KCNMB2: variants seen among roughly 807,000 people sequenced by gnomAD.
KCNMB2 encodes the protein potassium calcium-activated channel subfamily M regulatory beta subunit 2, also known as calcium-activated potassium channel subunit beta-2.
A neutral mutation model predicts 24.5 loss-of-function variants in KCNMB2; 9 were observed. The ratio of observed to expected loss-of-function variants is 0.37; its 90% CI spans 0.22 to 0.64. The LOEUF (loss-of-function observed/expected upper bound fraction) is 0.64, where lower values mean the gene tolerates loss of function less well. Among genes scored for constraint, KCNMB2 ranks in the 30% least tolerant of loss-of-function variants. KCNMB2 has a pLI of 0.63. For synonymous variants in KCNMB2, 109 were observed against 104.4 expected (o/e 1.04, Z -0.27); for missense variants, 226 against 284.3 (o/e 0.79, Z 1.47).
intron 2 of KCNMB2, among the ~76,000 whole-genome samples, chr3:178,817,027 T>C (rs946014848): frequency 2.0e-5 from 3 of 152,056 alleles, no homozygotes; most frequent in Admixed American, 2.0e-4. Context: ...GAGTGTGTTA[T>C]CTAATAAGCT....
chr3:178,842,811 C>A lies in KCNMB2; in HGVS notation c.582C>A (p.Asn194Lys). 6.2e-7 allele frequency: 1 copy of A among 1,613,992 alleles called. No homozygotes were observed. The highest frequency in any genetic ancestry group is 2.2e-5 in the East Asian group (1 of 44,878). Residue 194 changes from asparagine (N) to lysine (K), a missense_variant, in exon 5 of 5, where the codon AAC (asparagine) becomes AAA (lysine). Physicochemically the swap from Asn to Lys is moderately conservative, Grantham distance 94. Coordinates refer to ENST00000452583, the MANE Select transcript of KCNMB2 (RefSeq NM_181361.3). ...SVILTKLYSS[N>K]VLFHSLFWPT... ...TCCTAACAAAACTCTACAGTTCCAACGTGCTGTTCCATTCACTCTTCTGGC... is the reference window on the plus strand; with the variant it reads ...TCCTAACAAAACTCTACAGTTCCAAAGTGCTGTTCCATTCACTCTTCTGGC...
chr3:178,641,116 G>A lies in KCNMB2; in HGVS notation c.-68+104405G>A, dbSNP rs372872472. Among the ~76,000 whole-genome samples, 42 of 152,126 alleles carry A rather than the reference G, an allele frequency of 2.8e-4. 1 individual carries two copies. In the South Asian group the frequency reaches 8.5e-3, roughly 31 times the overall value. ...TTTCTTTAACTTTACATTAATTTTT[G>A]AAATCAGATAGTTTCAGTTCTCTAA... On this transcript the variant is annotated intron_variant, in intron 1 of 4. Transcript: ENST00000452583.
At chr3:178,731,181 C>G (rs1211916256) in intron 1 of KCNMB2, among the ~76,000 whole-genome samples, 1 of 151,944 alleles carries the variant, frequency 6.6e-6, no homozygotes, top group Non-Finnish European at 1.5e-5. Flanking sequence ...TCCTACTGGC[C>G]CCAGTTGGAA....
At chr3:178,630,638 T>A (rs1475244269) in intron 1 of KCNMB2, among the ~76,000 whole-genome samples, 1 of 152,260 alleles carries the variant, frequency 6.6e-6, no homozygotes, top group Non-Finnish European at 1.5e-5. Context: ...TAGTTTATAG[T>A]AAATTAATTC....
chr3:178,787,328 T>A (rs1193520081), intron 1 of KCNMB2, among the ~76,000 whole-genome samples: 1 of 152,094 alleles, frequency 6.6e-6, no homozygotes, highest in African/African-American at 2.4e-5. Context: ...GGTATTAACA[T>A]ATATATGTAT....
chr3:178,840,632 G>A (rs769591892), intron 4 of KCNMB2, among the ~76,000 whole-genome samples: 1 of 152,246 alleles, frequency 6.6e-6, no homozygotes, highest in South Asian at 2.1e-4. Context: ...AACAACACCT[G>A]GAAGCTGCCA....
At position 178,809,509 on chromosome 3, in the gene KCNMB2, G is replaced by A. The variant is rs537249206; in HGVS notation, c.56+2044G>A. On this transcript the variant is annotated intron_variant, in intron 2 of 4. Transcript: ENST00000452583. ...GAGTGATTTTCAATAACTTCCAAAG[G>A]CCCAACAACTAGCCAGTGATGGAAT... Among the ~76,000 whole-genome samples, 5 of 152,188 alleles carry A rather than the reference G, an allele frequency of 3.3e-5. No individual in the cohort carries two copies. The East Asian group carries it at 9.6e-4, about 29-fold the overall frequency.
Position 178,757,711 on chromosome 3 carries a change from TATATATATGTATATATATCCAAGAGGA to T in KCNMB2, c.-67-49631_-67-49605del, listed in dbSNP as rs1724175365. Among the ~76,000 whole-genome samples, 8 of 76,672 alleles carry T rather than the reference TATATATATGTATATATATCCAAGAGGA, an allele frequency of 1.0e-4. No homozygotes were observed. The East Asian group carries it at 1.7e-3, about 17-fold the overall frequency. The allele number at this position is 76,672 out of a possible 152,430, so 50.3% of individuals were successfully genotyped here. The stretch of plus-strand genomic sequence containing the variant: ...ATATATGTATATATATCCAAGAGGA[TATATATATGTATATATATCCAAGAGGA>T]TATATATATATAAGAGGATATATAT... On this transcript the variant is annotated intron_variant, in intron 1 of 4. Coordinates refer to ENST00000452583, the MANE Select transcript of KCNMB2 (RefSeq NM_181361.3).
chr3:178,607,136 G>A (rs1034061369), intron 1 of KCNMB2, among the ~76,000 whole-genome samples: 1 of 152,148 alleles, frequency 6.6e-6, no homozygotes, highest in Admixed American at 6.6e-5. Context: ...ATTTCCACTG[G>A]AGCATATTCC....
chr3:178,547,020 A>G (rs571922588), intron 1 of KCNMB2, among the ~76,000 whole-genome samples: 3 of 152,328 alleles, frequency 2.0e-5, no homozygotes, highest in Non-Finnish European at 4.4e-5. Flanking sequence ...TTAATCCCCA[A>G]TGCAACAGTG....
chr3:178,704,019 C>T (rs747006179), intron 1 of KCNMB2, among the ~76,000 whole-genome samples: 5 of 152,184 alleles, frequency 3.3e-5, no homozygotes, highest in African/African-American at 9.6e-5. Context: ...GACCAATTGA[C>T]ATCAGAACTT....
intron 1 of KCNMB2, among the ~76,000 whole-genome samples, chr3:178,698,982 T>TG (rs1721985218): frequency 6.6e-6 from 1 of 152,212 alleles, no homozygotes; most frequent in Non-Finnish European, 1.5e-5. Context: ...TGGAGTCCAC[T>TG]GTGCTGGGAG....
chr3:178,571,596 A>G (rs1716802552), intron 1 of KCNMB2, among the ~76,000 whole-genome samples: 2 of 151,658 alleles, frequency 1.3e-5, no homozygotes, highest in Non-Finnish European at 2.9e-5. Flanking sequence ...TACACGTGCC[A>G]TGGTGGTTTG....
chr3:178,700,329 T>C (rs952595798), intron 1 of KCNMB2, among the ~76,000 whole-genome samples: 2 of 152,260 alleles, frequency 1.3e-5, no homozygotes, highest in Admixed American at 6.5e-5. Context: ...AAAACATTTA[T>C]AGGATTTCTT....
At chr3:178,694,480 C>T (rs1380751391) in intron 1 of KCNMB2, among the ~76,000 whole-genome samples, 2 of 152,174 alleles carry the variant, frequency 1.3e-5, no homozygotes, top group African/African-American at 2.4e-5. Context: ...AGTCCAAAGT[C>T]TCATCTGAGA....
At position 178,798,026 on chromosome 3, in the gene KCNMB2, A is replaced by T. The variant is rs946631584; in HGVS notation, c.-67-9317A>T. ...GCTGAAGTTGCTTATCAGTTTAAGAAGCTTTTGGGCTGAGACGATGGGGTT... is the reference window on the plus strand; with the variant it reads ...GCTGAAGTTGCTTATCAGTTTAAGATGCTTTTGGGCTGAGACGATGGGGTT... On this transcript the variant is annotated intron_variant, in intron 1 of 4. Coordinates refer to ENST00000452583, the MANE Select transcript of KCNMB2 (RefSeq NM_181361.3). 5.3e-5 allele frequency among the ~76,000 whole-genome samples: 8 copies of T among 152,188 alleles called. 1 individual carries two copies. Among genetic ancestry groups the T allele is most frequent in the African/African-American group, 1.9e-4 (8 of 41,440 alleles).
chr3:178,678,221 A>G (rs767348805), intron 1 of KCNMB2, among the ~76,000 whole-genome samples: 3 of 152,202 alleles, frequency 2.0e-5, no homozygotes, highest in Non-Finnish European at 2.9e-5. Context: ...CTTAGCTGTT[A>G]GAGGAAAAAA....
intron 1 of KCNMB2, among the ~76,000 whole-genome samples, chr3:178,671,509 T>C (rs1028696224): frequency 1.3e-5 from 2 of 152,124 alleles, no homozygotes; most frequent in African/African-American, 4.8e-5. Flanking sequence ...AGACTCATTA[T>C]CTCAGCCCCC....
At chr3:178,618,246 A>T (rs1718784475) in intron 1 of KCNMB2, among the ~76,000 whole-genome samples, 1 of 152,214 alleles carries the variant, frequency 6.6e-6, no homozygotes, top group South Asian at 2.1e-4. Context: ...ATTTCCTTCT[A>T]GTTATTACCA....
Sources: allele counts gnomAD v4.1 joint callset (sites outside exome capture counted in the v4.1 genomes callset), GRCh38; gene constraint gnomAD v4.1.1; transcripts MANE v1.5; gene names NCBI Gene and HGNC (gene_info 2026-07-23, HGNC 2026-07-21).